The following FCHSD2 variants were observed in gnomAD, a reference collection of about 807,000 sequenced individuals.
FCHSD2 encodes the protein FCH and double SH3 domains 2, also known as F-BAR and double SH3 domains protein 2.
FCHSD2 carries 38 observed loss-of-function variants against 108.1 expected under a neutral mutation model. The observed-to-expected ratio is 0.35, with a 90% CI of 0.27 to 0.46. The LOEUF (loss-of-function observed/expected upper bound fraction) is 0.46, where lower values mean the gene tolerates loss of function less well. FCHSD2 is among the 20% of genes least tolerant of loss of function. The pLI, the probability that FCHSD2 is intolerant of heterozygous loss-of-function variation, is 1.00. For missense variants in FCHSD2, 751 were observed against 897.8 expected, an observed-to-expected ratio of 0.84 and a Z score of 2.09; for synonymous variants, 279 against 314.7, an observed-to-expected ratio of 0.89 and a Z score of 1.20.
rs375490957 is a variant in FCHSD2, at chr11:72,945,428, T to C, written c.706-23478A>G. Among the ~76,000 whole-genome samples, 560 of 152,154 alleles carry C rather than the reference T, an allele frequency of 3.7e-3. 14 individuals are homozygous for C. Among genetic ancestry groups the C allele is most frequent in the East Asian group, 0.034 (174 of 5,174 alleles). On this transcript the variant is annotated intron_variant, in intron 8 of 19. Transcript: ENST00000409418. ...ATGGGTTAAAGACTTAAATGTTAGA[T>C]CTAAAACCATAAAAACCCTAGAATA...
At chr11:72,900,238 T>A in intron 10 of FCHSD2, 4 of 1,111,972 alleles carry the variant, frequency 3.6e-6, no homozygotes, top group East Asian at 2.9e-5. Context: ...CTCCCGCCCT[T>A]GACCCACACC....
At chr11:73,116,951 CA>C (rs56198813) in intron 2 of FCHSD2, among the ~76,000 whole-genome samples, 120,997 of 151,970 alleles carry the variant, frequency 0.8, 48,496 homozygotes, top group African/African-American at 0.87. Flanking sequence ...CATTTTTCCC[CA>C]AAAAAAATCA....
chr11:73,009,478 T>C (rs936421089), intron 4 of FCHSD2, among the ~76,000 whole-genome samples: 1 of 152,058 alleles, frequency 6.6e-6, no homozygotes, highest in Non-Finnish European at 1.5e-5. Flanking sequence ...GCCTGGGTGA[T>C]GGAGTGAGAA....
At chr11:73,021,586 T>G in intron 3 of FCHSD2, among the ~76,000 whole-genome samples, 1 of 151,568 alleles carries the variant, frequency 6.6e-6, no homozygotes, top group Non-Finnish European at 1.5e-5. Context: ...AAGGAGAGGA[T>G]CAGGAAAAAT....
At chr11:72,984,877 T>C (rs1038736453) in intron 7 of FCHSD2, among the ~76,000 whole-genome samples, 185 bp downstream of exon 7, 55 of 152,202 alleles carry the variant, frequency 3.6e-4, no homozygotes, top group East Asian at 1.9e-4. Context: ...AGCAAGTGTG[T>C]CCAAGGTGTT....
intron 2 of FCHSD2, among the ~76,000 whole-genome samples, chr11:73,119,364 T>C (rs980097593): frequency 1.3e-5 from 2 of 152,158 alleles, no homozygotes; most frequent in Non-Finnish European, 2.9e-5. Context: ...ATTATGTAAC[T>C]AGTGTATTAA....
chr11:73,109,652 A>G (rs920180715), intron 2 of FCHSD2, among the ~76,000 whole-genome samples: 5 of 152,178 alleles, frequency 3.3e-5, no homozygotes, highest in East Asian at 3.8e-4. Context: ...GCAAACAAGC[A>G]TAATTTGACT....
chr11:73,096,987 A>ATTTTTTTTTTTTTTTTTTTTTTTTTTTT lies in FCHSD2; in HGVS notation c.120-13275_120-13248dup, dbSNP rs60223064. Among the ~76,000 whole-genome samples the ATTTTTTTTTTTTTTTTTTTTTTTTTTTT allele has an allele frequency of 2.4e-3, 64 of 27,046 alleles. 27 individuals carry two copies. The highest frequency in any genetic ancestry group is 0.011 in the East Asian group (6 of 566). The allele number at this position is 27,046 out of a possible 152,430, so 17.7% of individuals were successfully genotyped here. On this transcript the variant is annotated intron_variant, in intron 2 of 19. Transcript: ENST00000409418. ...CTAATGTGATGTATTTCATTGATGG[A>ATTTTTTTTTTTTTTTTTTTTTTTTTTTT]TTTTTTTTTTTTTTTTTTTTTTTTT...
chr11:72,971,613 C>G (rs932942470), intron 8 of FCHSD2, among the ~76,000 whole-genome samples: 1 of 152,132 alleles, frequency 6.6e-6, no homozygotes, highest in African/African-American at 2.4e-5. Context: ...TGACCCCAGC[C>G]TACAGCCAGC....
At chr11:73,047,684 T>C (rs955009637) in intron 3 of FCHSD2, among the ~76,000 whole-genome samples, 2 of 152,240 alleles carry the variant, frequency 1.3e-5, no homozygotes, top group South Asian at 2.1e-4. Flanking sequence ...AACCCCCTTC[T>C]CTTTTCCTTT....
intron 3 of FCHSD2, among the ~76,000 whole-genome samples, chr11:73,071,933 GAA>G (rs1351029057): frequency 6.6e-6 from 1 of 151,984 alleles, no homozygotes; most frequent in East Asian, 1.9e-4. Flanking sequence ...AAAATACAGA[GAA>G]AGAGTCCACA....
rs868239529 is a variant in FCHSD2, at chr11:72,984,963, T to C, written c.576+99A>G. Reference sequence around the variant, plus strand: ...AGTCAGTGACTTTAAAATGCTTCTCTAAGGTAGAAATAATCCACCTCCACC... The same window carrying C: ...AGTCAGTGACTTTAAAATGCTTCTCCAAGGTAGAAATAATCCACCTCCACC... On this transcript the variant is annotated intron_variant, in intron 7 of 19. Transcript: ENST00000409418. 5.1e-6 allele frequency: 3 copies of C among 582,528 alleles called. No homozygotes were observed. In the Middle Eastern group the frequency reaches 9.8e-4, roughly 190 times the overall value. The allele number at this position is 582,528 out of a possible 1,614,324, so 36.1% of individuals were successfully genotyped here.
At chr11:72,905,820 T>C (rs1000374930) in intron 9 of FCHSD2, among the ~76,000 whole-genome samples, 1 of 152,246 alleles carries the variant, frequency 6.6e-6, no homozygotes, top group South Asian at 2.1e-4. Context: ...TGCTATATTT[T>C]CTTAATCCAG....
chr11:73,129,901 G>A (rs1424075783), intron 2 of FCHSD2, among the ~76,000 whole-genome samples: 3 of 139,958 alleles, frequency 2.1e-5, no homozygotes, highest in African/African-American at 8.3e-5. Flanking sequence ...TTGAGACAGA[G>A]TCTCGCTCTG....
At chr11:72,924,085 G>A (rs77351594) in intron 8 of FCHSD2, among the ~76,000 whole-genome samples, 2,207 of 151,298 alleles carry the variant, frequency 0.015, 28 homozygotes, top group Non-Finnish European at 0.024. Flanking sequence ...TTTCTTGAAA[G>A]TTTCTTTTGA....
intron 13 of FCHSD2, among the ~76,000 whole-genome samples, chr11:72,861,488 G>A (rs1861574454): frequency 6.6e-6 from 1 of 151,644 alleles, no homozygotes; most frequent in South Asian, 2.1e-4. Context: ...TTCTACACAA[G>A]GCTTCCAGAA....
intron 2 of FCHSD2, among the ~76,000 whole-genome samples, chr11:73,095,522 G>A (rs1025263896): frequency 4.6e-5 from 7 of 152,016 alleles, no homozygotes; most frequent in Non-Finnish European, 8.8e-5. Context: ...AAACATAACT[G>A]GAAATATGAT....
At chr11:72,950,173 C>G (rs1320580324) in intron 8 of FCHSD2, among the ~76,000 whole-genome samples, 1 of 151,876 alleles carries the variant, frequency 6.6e-6, no homozygotes, top group East Asian at 1.9e-4. Flanking sequence ...AAATCCTTGC[C>G]CTTTTAAAAA....
At chr11:72,982,027 T>G (rs1204091406) in intron 8 of FCHSD2, among the ~76,000 whole-genome samples, 1 of 152,162 alleles carries the variant, frequency 6.6e-6, no homozygotes, top group Non-Finnish European at 1.5e-5. Context: ...GTCTAATACT[T>G]TATGGAAAAT....
Sources: gnomAD v4.1 joint callset for allele counts (sites outside exome capture counted in the v4.1 genomes callset) on GRCh38, gnomAD v4.1.1 for gene constraint, MANE v1.5 for transcripts, NCBI Gene and HGNC (gene_info 2026-07-23, HGNC 2026-07-21) for gene names.